The following TULP4 variants were observed in gnomAD, a reference collection of about 807,000 sequenced individuals.
TULP4 encodes TUB like protein 4.
TULP4 carries 16 observed loss-of-function variants against 129.0 expected under a neutral mutation model. The observed-to-expected ratio is 0.12, with a 90% confidence interval of 0.08 to 0.19. The LOEUF is 0.19. TULP4 is among the 10% of genes least tolerant of loss of function. The pLI, the probability that TULP4 is intolerant of heterozygous loss-of-function variation, is 1.00. For missense variants in TULP4, 1,842 were observed against 2,059.1 expected, an observed-to-expected ratio of 0.89 and a Z score of 2.04; for synonymous variants, 998 against 854.0, an observed-to-expected ratio of 1.17 and a Z score of -2.94.
At chr6:158,239,055 G>C (rs1436287263) in intron 1 of TULP4, among the ~76,000 whole-genome samples, 4 of 133,534 alleles carry the variant, frequency 3.0e-5, no homozygotes, top group South Asian at 2.5e-4. Flanking sequence ...CCGGGCGGGG[G>C]GCTGACCCCC....
chr6:158,351,654 C>T (rs918567082), intron 1 of TULP4, among the ~76,000 whole-genome samples: 18 of 143,968 alleles, frequency 1.3e-4, no homozygotes, highest in Non-Finnish European at 2.5e-4. Flanking sequence ...ATTGACAAAG[C>T]TGATGAATTT....
intron 1 of TULP4, among the ~76,000 whole-genome samples, chr6:158,320,789 G>A (rs138810992): frequency 2.6e-4 from 39 of 152,196 alleles, no homozygotes; most frequent in African/African-American, 9.4e-4. Flanking sequence ...GCTGGAATTC[G>A]TTTTGTTATA....
At position 158,508,746 on chromosome 6, in the gene TULP4, TA is replaced by T. The variant is rs1780660668; in HGVS notation, c.*2053del. 6.6e-6 allele frequency: 1 copy of T among 152,606 alleles called. No homozygotes were observed. Among genetic ancestry groups the T allele is most frequent in the African/African-American group, 2.4e-5 (1 of 41,430 alleles). The allele number at this position is 152,606 out of a possible 1,614,324, so 9.5% of individuals were successfully genotyped here. A position where few individuals can be genotyped will look rare whatever the true frequency, so the allele number is the denominator to read the frequency against. On this transcript the variant is annotated 3_prime_UTR_variant, in exon 14 of 14. Coordinates refer to ENST00000367097, the MANE Select transcript of TULP4 (RefSeq NM_020245.5). ...TTTATCTTGCTTTTCATAGTGTTCT[TA>T]GGAATTATTTTGTTGTTACGTTTTG...
At chr6:158,370,450 T>C (rs1583806778) in intron 1 of TULP4, among the ~76,000 whole-genome samples, 1 of 30,400 alleles carries the variant, frequency 3.3e-5, no homozygotes, top group African/African-American at 1.6e-4. Context: ...AGAACAAAAC[T>C]CCATCTCAAA....
At chr6:158,505,560 G>C (rs759378874) in intron 13 of TULP4, among the ~76,000 whole-genome samples, 3 of 152,266 alleles carry the variant, frequency 2.0e-5, no homozygotes, top group African/African-American at 4.8e-5. Context: ...ATAGTGCTAG[G>C]ATCAGGGCAG....
At chr6:158,443,519 C>G (rs1053251790) in intron 3 of TULP4, among the ~76,000 whole-genome samples, 1 of 152,024 alleles carries the variant, frequency 6.6e-6, no homozygotes, top group Admixed American at 6.6e-5. Context: ...AAAAATGGAG[C>G]CTGAAAGATT....
intron 1 of TULP4, among the ~76,000 whole-genome samples, chr6:158,262,417 G>A (rs1015321970): frequency 6.6e-6 from 1 of 152,044 alleles, no homozygotes; most frequent in Admixed American, 6.6e-5. Flanking sequence ...GTGAATCAGA[G>A]GTCAGTTTCA....
In TULP4 at chr6:158,261,617, C is replaced by G. The variant is rs7771016; in HGVS notation, n.68+29314C>G. ...GATGGAGAGTCTTAAAAAATAAAGG[C>G]GAGGGATATGAATTTCTTTAACGTG... On this transcript the variant is annotated intron_variant and non_coding_transcript_variant, in intron 1 of 1. Transcript: ENST00000620026. 3.7e-3 allele frequency among the ~76,000 whole-genome samples: 568 copies of G among 152,142 alleles called. 4 individuals are homozygous for G. Among genetic ancestry groups the G allele is most frequent in the African/African-American group, 0.013 (541 of 41,484 alleles).
intron 1 of TULP4, among the ~76,000 whole-genome samples, chr6:158,392,331 G>A (rs539305840): frequency 2.4e-4 from 37 of 152,248 alleles, no homozygotes; most frequent in East Asian, 1.7e-3. Context: ...CCCACAACAC[G>A]TGGGAATTCA....
At chr6:158,335,826 G>C (rs1448613364) in intron 1 of TULP4, among the ~76,000 whole-genome samples, 1 of 152,140 alleles carries the variant, frequency 6.6e-6, no homozygotes, top group Non-Finnish European at 1.5e-5. Flanking sequence ...GTATATCGTA[G>C]TACTATATTT....
chr6:158,495,353 G>A (rs1052040300), intron 11 of TULP4, among the ~76,000 whole-genome samples: 1 of 152,062 alleles, frequency 6.6e-6, no homozygotes, highest in Non-Finnish European at 1.5e-5. Context: ...ACGCCTGGTC[G>A]CCAGCGGGAT....
chr6:158,433,496 C>T (rs879069866), intron 3 of TULP4, among the ~76,000 whole-genome samples: 3 of 152,114 alleles, frequency 2.0e-5, no homozygotes, highest in Non-Finnish European at 1.5e-5. Context: ...AGGTAGATCA[C>T]GAGGTCAGGA....
rs1283202314 is a variant in TULP4 at position 158,413,215 on chromosome 6, G to C, written c.381+22G>C. On this transcript the variant is annotated intron_variant, in intron 2 of 13. Transcript: ENST00000367097. The surrounding 1 kb of genome is among the most constrained non-coding windows in gnomAD (Gnocchi z 4.9). ...GCAGGTGAGTGGCAGGCGCAGCTCT[G>C]CCAGTGAAGGGCTGCGGGGTAGAGG... 6.2e-7 allele frequency: 1 copy of C among 1,601,570 alleles called. No individual in the cohort carries two copies. The highest frequency in any genetic ancestry group is 1.3e-5 in the African/African-American group (1 of 74,738).
At chr6:158,453,982 T>A (rs1779227508) in intron 5 of TULP4, among the ~76,000 whole-genome samples, 1 of 148,800 alleles carries the variant, frequency 6.7e-6, no homozygotes, top group African/African-American at 2.5e-5. Context: ...TCTATATACT[T>A]AACTGTTGGT....
At chr6:158,321,955 A>G (rs1281929727) in intron 1 of TULP4, among the ~76,000 whole-genome samples, 10 of 152,202 alleles carry the variant, frequency 6.6e-5, no homozygotes, top group Admixed American at 6.5e-4. Flanking sequence ...TGCAGTTGAA[A>G]GACCCTCCTA....
intron 1 of TULP4, among the ~76,000 whole-genome samples, chr6:158,364,242 G>A (rs1780869655): frequency 6.6e-6 from 1 of 152,230 alleles, no homozygotes; most frequent in African/African-American, 2.4e-5. Flanking sequence ...AAATATGGAA[G>A]TGTGAAAATG....
chr6:158,475,485 TGAGA>T (rs1779797509), intron 6 of TULP4, among the ~76,000 whole-genome samples: 1 of 152,242 alleles, frequency 6.6e-6, no homozygotes, highest in African/African-American at 2.4e-5. Flanking sequence ...TTATGGGATT[TGAGA>T]AAGAGATTAA....
intron 1 of TULP4, among the ~76,000 whole-genome samples, chr6:158,412,026 T>G (rs1472199703): frequency 3.3e-5 from 5 of 152,146 alleles, no homozygotes; most frequent in African/African-American, 4.8e-5. Flanking sequence ...ATAGCAAGAG[T>G]ACTCTTGCCT....
chr6:158,440,237 G>A (rs967766879), intron 3 of TULP4, among the ~76,000 whole-genome samples: 1 of 147,912 alleles, frequency 6.8e-6, no homozygotes, highest in African/African-American at 2.5e-5. Flanking sequence ...AGGACTGCTT[G>A]AGCCCAGGAG....
Sources: allele counts gnomAD v4.1 joint callset (sites outside exome capture counted in the v4.1 genomes callset), GRCh38; gene constraint gnomAD v4.1.1; non-coding constraint Gnocchi (gnomAD v3.1); transcripts MANE v1.5; gene names NCBI Gene and HGNC (gene_info 2026-07-23, HGNC 2026-07-21).